RAD51: variants seen among roughly 807,000 people sequenced by gnomAD.
RAD51 encodes RAD51 recombinase.
RAD51 carries 14 observed loss-of-function variants against 41.5 expected under a neutral mutation model. The observed-to-expected ratio is 0.34, with a 90% confidence interval of 0.22 to 0.53. The LOEUF is 0.53. Ranked by LOEUF, RAD51 falls within the 20% of genes least tolerant of loss-of-function variation. The pLI is 0.95. For synonymous variants in RAD51, 136 were observed against 148.6 expected (o/e 0.92, Z 0.62); for missense variants, 234 against 422.0 (o/e 0.55, Z 3.90).
chr15:40,701,631 A>T (rs1895001487), intron 3 of RAD51, among the ~76,000 whole-genome samples: 1 of 151,170 alleles, frequency 6.6e-6, no homozygotes, highest in African/African-American at 2.4e-5. Flanking sequence ...TGCCTGGCCT[A>T]TTTATTTTTC....
rs150540342 is a variant in RAD51, at chr15:40,728,720, C to T, written c.540C>T (p.Leu180=). 2.5e-6 allele frequency: 4 copies of T among 1,613,802 alleles called. No individual in the cohort carries two copies. Among genetic ancestry groups the T allele is most frequent in the Non-Finnish European group, 3.4e-6 (4 of 1,179,870 alleles). Residue 180 remains leucine (L), a synonymous_variant, in exon 7 of 10, where the codon CTC becomes CTT. Transcript: ENST00000267868. ...CTCTCCTCTCTCATAGGTATGGTCT[C>T]TCTGGCAGTGATGTCCTGGATAATG... ...RLLAVAERYG[L]SGSDVLDNVA... is the part of the protein sequence containing the mutation.
rs1336648314 is a variant in RAD51, at chr15:40,696,124, C to A, written c.-3+699C>A. Among the ~76,000 whole-genome samples, 3 of 152,050 alleles carry A rather than the reference C, an allele frequency of 2.0e-5. No homozygotes were observed. The East Asian group carries it at 5.8e-4, about 29-fold the overall frequency. On this transcript the variant is annotated intron_variant, in intron 1 of 9. Coordinates refer to ENST00000267868, the MANE Select transcript of RAD51 (RefSeq NM_002875.5). ...AACTTCTGACCTCAGGTTATCCACC[C>A]GCCTCTGCCTCCCAAAGTGCTGGGA... is the stretch of plus-strand genomic sequence containing the variant.
intron 5 of RAD51, among the ~76,000 whole-genome samples, chr15:40,718,099 C>T (rs893215877): frequency 6.6e-6 from 1 of 151,942 alleles, no homozygotes; most frequent in African/African-American, 2.4e-5. Flanking sequence ...TGGTGCACAC[C>T]TATGGTCTCA....
At chr15:40,698,108 G>A (rs1894761475) in intron 1 of RAD51, among the ~76,000 whole-genome samples, 1 of 151,588 alleles carries the variant, frequency 6.6e-6, no homozygotes, top group African/African-American at 2.4e-5. Context: ...TCTCCTTCCT[G>A]CCGCCCCCTG....
intron 6 of RAD51, among the ~76,000 whole-genome samples, chr15:40,726,239 G>A (rs1424779259): frequency 8.1e-6 from 1 of 123,002 alleles, no homozygotes; most frequent in Non-Finnish European, 1.6e-5. Context: ...GTTAGGCCCA[G>A]GAATTTTTTT....
intron 6 of RAD51, among the ~76,000 whole-genome samples, chr15:40,725,217 A>G (rs1281655757): frequency 2.0e-5 from 3 of 151,896 alleles, no homozygotes; most frequent in Non-Finnish European, 4.4e-5. Context: ...ATTTTTGTAG[A>G]GATGAGGTCT....
At position 40,701,178 on chromosome 15, in the gene RAD51, G is replaced by A; in HGVS notation, c.202G>A (p.Glu68Lys). ...KELINIKGIS[E>K]AKADKILAEA... Reference sequence around the variant, plus strand: ...GCTAATAAATATTAAGGGAATTAGTGAAGCCAAAGCTGATAAAATTCTGGT... The same window carrying A: ...GCTAATAAATATTAAGGGAATTAGTAAAGCCAAAGCTGATAAAATTCTGGT... The change falls in exon 3 of 10, where the codon GAA becomes AAA. Residue 68 changes from glutamate (E) to lysine (K), a missense_variant. Around this residue, in one of 2 missense-constraint regions of RAD51, gnomAD observed 100 missense variants for 135.5 expected, o/e 0.74. Transcript: ENST00000267868. 6.2e-7 allele frequency: 1 copy of A among 1,614,150 alleles called. No individual in the cohort carries two copies. The highest frequency in any genetic ancestry group is 1.1e-5 in the South Asian group (1 of 91,084).
Position 40,708,212 on chromosome 15 carries a change from T to G in RAD51, c.344-813T>G, listed in dbSNP as rs192945151. ...TTTGTATTTTTAGTAGAGACAGGGTTTCACCATATTGTGCCCAGCTTTTTT... is the reference window on the plus strand; with the variant it reads ...TTTGTATTTTTAGTAGAGACAGGGTGTCACCATATTGTGCCCAGCTTTTTT... On this transcript the variant is annotated intron_variant, in intron 4 of 9. Transcript: ENST00000267868. 3.3e-5 allele frequency among the ~76,000 whole-genome samples: 5 copies of G among 150,724 alleles called. No homozygotes were observed. The East Asian group carries it at 9.8e-4, about 29-fold the overall frequency.
rs1896910835 is a variant in RAD51 at position 40,732,315 on chromosome 15, T to A, written c.*1137T>A. 1 of 166,250 alleles carries A rather than the reference T, an allele frequency of 6.0e-6. No individual in the cohort carries two copies. The highest frequency in any genetic ancestry group is 1.3e-4 in the East Asian group (1 of 7,962). 10.3% of individuals were successfully genotyped at this position (166,250 alleles called of 1,614,324 possible). A position where few individuals can be genotyped will look rare whatever the true frequency, so the allele number is the denominator to read the frequency against. Reference sequence around the variant, plus strand: ...GCAGATGATTGTGCTTAAAAGCTAATGGAAAAATAAAAGAAAGACATACCA... The same window carrying A: ...GCAGATGATTGTGCTTAAAAGCTAAAGGAAAAATAAAAGAAAGACATACCA... On this transcript the variant is annotated 3_prime_UTR_variant, in exon 10 of 10. Transcript: ENST00000267868.
At chr15:40,729,362 G>C (rs897301780) in intron 7 of RAD51, 143 bp from the exon 8 acceptor site, 1 of 890,552 alleles carries the variant, frequency 1.1e-6, no homozygotes, top group East Asian at 3.4e-5. Context: ...GACAGAGCTA[G>C]ACTCCATCTC....
Position 40,729,491 on chromosome 15 carries a change from C to G in RAD51, c.645-14C>G, listed in dbSNP as rs745556948. The G allele has an allele frequency of 6.2e-7, 1 of 1,610,728 alleles. No individual in the cohort carries two copies. The highest frequency in any genetic ancestry group is 8.5e-7 in the Non-Finnish European group (1 of 1,178,076). On this transcript the variant is annotated splice_polypyrimidine_tract_variant and intron_variant, in intron 7 of 9. Transcript: ENST00000267868. ...GGCTAGAAATAGGCTTCAGAGAATC[C>G]TTGTTTCCTGTAGGTATGCACTGCT...
At chr15:40,714,993 G>A (rs1895914331) in intron 5 of RAD51, among the ~76,000 whole-genome samples, 1 of 152,136 alleles carries the variant, frequency 6.6e-6, no homozygotes, top group African/African-American at 2.4e-5. Flanking sequence ...GGGGAATATG[G>A]CGAGATCCCA....
At chr15:40,708,741 C>G (rs1895512263) in intron 4 of RAD51, among the ~76,000 whole-genome samples, 2 of 151,072 alleles carry the variant, frequency 1.3e-5, no homozygotes, top group African/African-American at 4.9e-5. Context: ...CGCCACCATG[C>G]CCGGCTAATT....
chr15:40,720,815 T>C (rs528417445), intron 6 of RAD51, among the ~76,000 whole-genome samples: 63 of 152,076 alleles, frequency 4.1e-4, no homozygotes, highest in Non-Finnish European at 7.8e-4. Flanking sequence ...TCTGAAACAT[T>C]ACTGAGAAAA....
At chr15:40,725,420 T>TA in intron 6 of RAD51, among the ~76,000 whole-genome samples, 1 of 152,226 alleles carries the variant, frequency 6.6e-6, no homozygotes, top group Non-Finnish European at 1.5e-5. Context: ...TTGAATTATA[T>TA]TTCTGAGAAT....
chr15:40,729,712 C>T, intron 8 of RAD51, 78 bp downstream of exon 8: 4 of 1,610,038 alleles, frequency 2.5e-6, no homozygotes, highest in Non-Finnish European at 3.4e-6. Context: ...GAGGCTAAGA[C>T]ATCAGTGCCT....
In RAD51 at chr15:40,732,340, A is replaced by G. The variant is rs1168512146; in HGVS notation, c.*1162A>G. The G allele has an allele frequency of 1.9e-5, 3 of 157,586 alleles. No homozygotes were observed. Among genetic ancestry groups the G allele is most frequent in the Non-Finnish European group, 4.1e-5 (3 of 72,442 alleles). The allele number at this position is 157,586 out of a possible 1,614,324, so 9.8% of individuals were successfully genotyped here. ...TGGAAAAATAAAAGAAAGACATACC[A>G]TGGGTTGCCTTGTGGCCCCCCTTTC... On this transcript the variant is annotated 3_prime_UTR_variant, in exon 10 of 10. Coordinates refer to ENST00000267868, the MANE Select transcript of RAD51 (RefSeq NM_002875.5).
chr15:40,700,961 T>C (rs759636893), intron 2 of RAD51, 103 bp from the exon 3 acceptor site: 8 of 1,422,926 alleles, frequency 5.6e-6, no homozygotes, highest in Non-Finnish European at 7.8e-6. Context: ...ACAGTTGTAT[T>C]ACAAGTCTTC....
intron 9 of RAD51, 56 bp from the exon 10 acceptor site, chr15:40,730,999 G>T: frequency 6.2e-7 from 1 of 1,611,250 alleles, no homozygotes; most frequent in South Asian, 1.1e-5. Context: ...ACAAAGTCAG[G>T]AACGGAATTG....
Sources: gnomAD v4.1 joint callset for allele counts (sites outside exome capture counted in the v4.1 genomes callset) on GRCh38, gnomAD v4.1.1 for gene constraint, gnomAD v4.1.1 regional missense constraint, MANE v1.5 for transcripts, NCBI Gene and HGNC (gene_info 2026-07-23, HGNC 2026-07-21) for gene names.